The following ALDH2 variants were observed in gnomAD, a reference collection of about 807,000 sequenced individuals.
The protein encoded by ALDH2 is aldehyde dehydrogenase, mitochondrial.
In ALDH2, 44 loss-of-function variants were observed where a neutral mutation model predicts 59.6. The ratio of observed to expected loss-of-function variants is 0.74; its 90% confidence interval spans 0.58 to 0.95. The LOEUF is 0.95. ALDH2 is among the 40% of genes least tolerant of loss of function. The pLI is 0.00. For missense variants in ALDH2, 570 were observed against 696.3 expected, an observed-to-expected ratio of 0.82 and a Z score of 2.04; for synonymous variants, 291 against 284.0, an observed-to-expected ratio of 1.02 and a Z score of -0.25.
At chr12:111,786,734 C>T (rs975495572) in intron 4 of ALDH2, among the ~76,000 whole-genome samples, 17 of 151,572 alleles carry the variant, frequency 1.1e-4, no homozygotes, top group East Asian at 3.9e-4. Flanking sequence ...TTTGTAGAGA[C>T]GGGGGTCTTG....
intron 11 of ALDH2, among the ~76,000 whole-genome samples, chr12:111,802,785 C>A (rs1177733072): frequency 6.9e-6 from 1 of 145,748 alleles, no homozygotes; most frequent in Non-Finnish European, 1.5e-5. Flanking sequence ...GAGGCTGAGG[C>A]AGGAGAATGG....
chr12:111,790,705 C>G, intron 6 of ALDH2, 143 bp downstream of exon 6: 3 of 1,107,736 alleles, frequency 2.7e-6, no homozygotes, highest in Non-Finnish European at 3.8e-6. Flanking sequence ...GAGTGGCTCC[C>G]TCTTAGCTTT....
In ALDH2 at chr12:111,798,066, C is replaced by T. The variant is rs1427220266; in HGVS notation, c.1084-12C>T. The T allele has an allele frequency of 1.2e-6, 2 of 1,614,094 alleles. No individual in the cohort carries two copies. Among genetic ancestry groups the T allele is most frequent in the Non-Finnish European group, 1.7e-6 (2 of 1,180,018 alleles). On this transcript the variant is annotated splice_polypyrimidine_tract_variant and intron_variant, in intron 9 of 12. Transcript: ENST00000261733. ...CCGATGTCTCCATAACTCTGGGTTC[C>T]TTCTCCCACAGGTGGATGAAACTCA...
At position 111,810,272 on chromosome 12, in the gene ALDH2, C is replaced by A; in HGVS notation, c.*697C>A. The A allele has an allele frequency of 6.6e-6, 1 of 152,528 alleles. No homozygotes were observed. The highest frequency in any genetic ancestry group is 1.5e-5 in the Non-Finnish European group (1 of 68,228). The allele number at this position is 152,528 out of a possible 1,614,324, so 9.4% of individuals were successfully genotyped here. ...TGAGTGGAGATCATGCCACTGCACT[C>A]CAGCCTGGGAGTCAGAGCGAGACTC... On this transcript the variant is annotated 3_prime_UTR_variant, in exon 13 of 13. Coordinates refer to ENST00000261733, the MANE Select transcript of ALDH2 (RefSeq NM_000690.4).
chr12:111,805,596 T>C (rs890318001), intron 12 of ALDH2, among the ~76,000 whole-genome samples: 1 of 152,188 alleles, frequency 6.6e-6, no homozygotes, highest in African/African-American at 2.4e-5. Context: ...GTGCTGGGAT[T>C]ATAGGCATGA....
In ALDH2 at chr12:111,766,976, C is replaced by T. The variant is rs750453063; in HGVS notation, c.-7C>T. The T allele has an allele frequency of 1.3e-6, 2 of 1,521,088 alleles. No homozygotes were observed. Among genetic ancestry groups the T allele is most frequent in the Middle Eastern group, 2.2e-4 (1 of 4,548 alleles). 94.2% of individuals were successfully genotyped at this position (1,521,088 alleles called of 1,614,324 possible). ...TCGGTCCGCTCGCTGTCCGCTAGCC[C>T]GCTGCGATGTTGCGCGCTGCCGCCC... On this transcript the variant is annotated 5_prime_UTR_variant, in exon 1 of 13. Coordinates refer to ENST00000261733, the MANE Select transcript of ALDH2 (RefSeq NM_000690.4).
At chr12:111,804,708 T>C (rs548725892) in intron 12 of ALDH2, among the ~76,000 whole-genome samples, 8 of 149,266 alleles carry the variant, frequency 5.4e-5, no homozygotes, top group East Asian at 4.0e-4. Context: ...GATTGTGCCA[T>C]TGCACTCCAG....
At position 111,798,064 on chromosome 12, in the gene ALDH2, T is replaced by C; in HGVS notation, c.1084-14T>C. 1 of 1,614,116 alleles carries C rather than the reference T, an allele frequency of 6.2e-7. No homozygotes were observed. Among genetic ancestry groups the C allele is most frequent in the Non-Finnish European group, 8.5e-7 (1 of 1,180,010 alleles). On this transcript the variant is annotated splice_polypyrimidine_tract_variant and intron_variant, in intron 9 of 12. Transcript: ENST00000261733. ...ATCCGATGTCTCCATAACTCTGGGT[T>C]CCTTCTCCCACAGGTGGATGAAACT...
chr12:111,781,850 C>A, intron 1 of ALDH2, 68 bp from the exon 2 acceptor site: 1 of 1,136,158 alleles, frequency 8.8e-7, no homozygotes, highest in Non-Finnish European at 1.3e-6. Flanking sequence ...TTTTTTTTTC[C>A]TTACAATACT....
intron 4 of ALDH2, among the ~76,000 whole-genome samples, 160 bp downstream of exon 4, chr12:111,785,506 G>A (rs150789517): frequency 6.6e-6 from 1 of 152,040 alleles, no homozygotes; most frequent in African/African-American, 2.4e-5. Flanking sequence ...GGTGGATTAC[G>A]TGAGGTCAAG....
At chr12:111,797,517 T>C (rs966558499) in intron 9 of ALDH2, among the ~76,000 whole-genome samples, 3 of 151,990 alleles carry the variant, frequency 2.0e-5, no homozygotes, top group African/African-American at 7.2e-5. Context: ...GGGAGGATCA[T>C]TTGAGCATGA....
At chr12:111,800,103 T>C (rs747280625) in intron 11 of ALDH2, 40 bp downstream of exon 11, 3 of 1,570,548 alleles carry the variant, frequency 1.9e-6, no homozygotes, top group African/African-American at 2.7e-5. Context: ...CCAACAGAGA[T>C]TCCTCAAAGC....
intron 4 of ALDH2, among the ~76,000 whole-genome samples, chr12:111,789,263 C>T (rs2068336990): frequency 6.6e-6 from 1 of 151,406 alleles, no homozygotes; most frequent in African/African-American, 2.4e-5. Context: ...GTGATCTGCT[C>T]ACCTAGGCCT....
intron 1 of ALDH2, among the ~76,000 whole-genome samples, chr12:111,775,259 G>A (rs1040055161): frequency 2.6e-5 from 4 of 152,046 alleles, no homozygotes; most frequent in Non-Finnish European, 5.9e-5. Flanking sequence ...GTAGAATCGC[G>A]AGCCCCCCGC....
chr12:111,775,573 T>TTTGA (rs2068229030), intron 1 of ALDH2: 1 of 432,088 alleles, frequency 2.3e-6, no homozygotes, highest in Non-Finnish European at 4.6e-6. Flanking sequence ...ATTAGAGTAT[T>TTTGA]TTGATAGAAA....
rs1021095703 is a variant in ALDH2 at position 111,791,297 on chromosome 12, T to C, written c.682-9T>C. ...TGACTCCCAATGTCCCCTGGCTGTT[T>C]GCTCACAGGCTGGCTTTCCCCCTGG... On this transcript the variant is annotated splice_polypyrimidine_tract_variant and intron_variant, in intron 6 of 12. Coordinates refer to ENST00000261733, the MANE Select transcript of ALDH2 (RefSeq NM_000690.4). 2 of 1,610,436 alleles carry C rather than the reference T, an allele frequency of 1.2e-6. No homozygotes were observed. Among genetic ancestry groups the C allele is most frequent in the African/African-American group, 2.7e-5 (2 of 74,842 alleles).
rs370855783 is a variant in ALDH2 at position 111,785,251 on chromosome 12, C to T, written c.361-16C>T. On this transcript the variant is annotated splice_polypyrimidine_tract_variant and intron_variant, in intron 3 of 12. Transcript: ENST00000261733. ...TTCCTGCACCCATGTCTCTGCTGAC[C>T]TTGTTTTCTTCTCAGGCCTTGGAGA... 3 of 1,607,316 alleles carry T rather than the reference C, an allele frequency of 1.9e-6. No homozygotes were observed. The highest frequency in any genetic ancestry group is 2.7e-5 in the African/African-American group (2 of 74,710).
intron 12 of ALDH2, among the ~76,000 whole-genome samples, chr12:111,804,955 A>G (rs1437009629): frequency 2.0e-5 from 3 of 152,198 alleles, no homozygotes; most frequent in African/African-American, 7.2e-5. Flanking sequence ...AATACAAAGA[A>G]AGCGTTCCTT....
chr12:111,769,933 C>T (rs2068187029), intron 1 of ALDH2, among the ~76,000 whole-genome samples: 1 of 152,068 alleles, frequency 6.6e-6, no homozygotes, highest in East Asian at 1.9e-4. Context: ...ATCACGAGGT[C>T]AGGAGTTCGA....
Sources: gnomAD v4.1 joint callset for allele counts (sites outside exome capture counted in the v4.1 genomes callset) on GRCh38, gnomAD v4.1.1 for gene constraint, MANE v1.5 for transcripts, NCBI Gene and HGNC (gene_info 2026-07-23, HGNC 2026-07-21) for gene names.